Variants in DZIP1L observed in about 807,000 individuals in gnomAD.
The protein encoded by DZIP1L is cilium assembly protein DZIP1L.
A neutral mutation model predicts 88.7 loss-of-function variants in DZIP1L; 90 were observed. That is an observed-to-expected ratio of 1.02 (90% confidence interval 0.86 to 1.21). DZIP1L has a LOEUF of 1.21. Ranked by LOEUF, DZIP1L falls within the 50% of genes most tolerant of loss-of-function variation. DZIP1L has a pLI of 0.00. For synonymous variants in DZIP1L, 363 were observed against 372.1 expected (o/e 0.98, Z 0.28); for missense variants, 932 against 955.8 (o/e 0.98, Z 0.33).
intron 1 of DZIP1L, among the ~76,000 whole-genome samples, chr3:138,112,685 G>A (rs770421913): frequency 3.1e-4 from 47 of 152,234 alleles, no homozygotes; most frequent in African/African-American, 1.1e-3. Context: ...AGTGGCTCTC[G>A]CCTGTAATCC....
intron 1 of DZIP1L, among the ~76,000 whole-genome samples, chr3:138,105,947 C>T (rs533475477): frequency 3.1e-4 from 47 of 152,114 alleles, no homozygotes; most frequent in Middle Eastern, 3.4e-3. Flanking sequence ...TTATTTTTCA[C>T]TTTCTACCTC....
Position 138,067,662 on chromosome 3 carries a change from TCTCC to T in DZIP1L, c.1867_1870del (p.Gly623ThrfsTer59), listed in dbSNP as rs772670130. On this transcript the variant is annotated frameshift_variant, in exon 14 of 16. Coordinates refer to ENST00000327532, the MANE Select transcript of DZIP1L (RefSeq NM_173543.3). LOFTEE classifies it high-confidence loss of function. Reference sequence around the variant, plus strand: ...CTGTAGAGACACACGCTGCACACGGTCTCCCTCTGAGTCCTCTTCAGAACTGAAC... The same window carrying T: ...CTGTAGAGACACACGCTGCACACGGTCTCTGAGTCCTCTTCAGAACTGAAC... The T allele has an allele frequency of 6.2e-7, 1 of 1,607,384 alleles. No individual in the cohort carries two copies. Among genetic ancestry groups the T allele is most frequent in the Admixed American group, 1.7e-5 (1 of 58,986 alleles).
chr3:138,068,238 G>C lies in DZIP1L; in HGVS notation c.1745C>G (p.Ser582Cys), dbSNP rs752870031. 24 of 1,596,272 alleles carry C rather than the reference G, an allele frequency of 1.5e-5. No homozygotes were observed. The highest frequency in any genetic ancestry group is 1.9e-5 in the Non-Finnish European group (22 of 1,170,780). ...PTRQSHGSHG[S>C]SLTQVSAPAP... is the part of the protein sequence containing the mutation. ...GGGGGCGGACACCTGGGTCAGGCTG[G>C]AGCCATGGCTGCCATGGCTCTGACG... The change falls in exon 13 of 16, where the codon TCC (serine) becomes TGC (cysteine). Residue 582 changes from serine (S) to cysteine (C), a missense_variant. Physicochemically the swap from Ser to Cys is moderately radical, Grantham distance 112 (BLOSUM62 -1). Coordinates refer to ENST00000327532, the MANE Select transcript of DZIP1L (RefSeq NM_173543.3).
At chr3:138,103,422 C>T (rs755602014) in intron 2 of DZIP1L, 49 bp downstream of exon 2, 17 of 1,548,624 alleles carry the variant, frequency 1.1e-5, no homozygotes, top group Non-Finnish European at 1.4e-5. Context: ...GCCCCAGTGG[C>T]TGGGGCACAC....
chr3:138,064,491 G>A (rs762487466), intron 15 of DZIP1L, 137 bp downstream of exon 15: 1 of 1,611,580 alleles, frequency 6.2e-7, no homozygotes, highest in South Asian at 1.1e-5. Context: ...GGGGCAGAGG[G>A]AGGTCACCCA....
At chr3:138,107,305 C>T (rs2042523571) in intron 1 of DZIP1L, among the ~76,000 whole-genome samples, 1 of 152,076 alleles carries the variant, frequency 6.6e-6, no homozygotes, top group Non-Finnish European at 1.5e-5. Flanking sequence ...GGTTAGTTAT[C>T]ACAGGAGTAG....
chr3:138,083,706 G>A (rs187270494), intron 8 of DZIP1L, among the ~76,000 whole-genome samples: 7 of 152,302 alleles, frequency 4.6e-5, no homozygotes, highest in African/African-American at 1.2e-4. Context: ...ATCACTTACC[G>A]AGTGCCCCGT....
At chr3:138,065,290 G>A (rs564463412) in intron 14 of DZIP1L, among the ~76,000 whole-genome samples, 3 of 152,338 alleles carry the variant, frequency 2.0e-5, no homozygotes, top group African/African-American at 7.2e-5. Context: ...GAATGACCAG[G>A]AAGCAGGAAG....
rs566025567 is a variant in DZIP1L at position 138,064,422 on chromosome 3, G to T, written c.2142+206C>A. Reference sequence around the variant, plus strand: ...CATTGCTTATATAATGAACCAAAAGGCTTTTTAATGTTAACTTGGATACAA... The same window carrying T: ...CATTGCTTATATAATGAACCAAAAGTCTTTTTAATGTTAACTTGGATACAA... On this transcript the variant is annotated intron_variant, in intron 15 of 15. Transcript: ENST00000327532. The T allele has an allele frequency of 4.0e-4, 601 of 1,509,802 alleles. 2 individuals carry two copies. The highest frequency in any genetic ancestry group is 2.7e-4 in the Non-Finnish European group (305 of 1,134,544). The allele number at this position is 1,509,802 out of a possible 1,614,324, so 93.5% of individuals were successfully genotyped here. A position where few individuals can be genotyped will look rare whatever the true frequency, so the allele number is the denominator to read the frequency against.
chr3:138,088,862 A>G (rs966342735), intron 5 of DZIP1L: 18 of 991,876 alleles, frequency 1.8e-5, no homozygotes, highest in Non-Finnish European at 2.0e-5. Context: ...CTTAGAGCCT[A>G]TGGGAGGGTC....
intron 1 of DZIP1L, among the ~76,000 whole-genome samples, chr3:138,108,898 C>T (rs1361720805): frequency 6.6e-6 from 1 of 152,186 alleles, no homozygotes; most frequent in East Asian, 1.9e-4. Context: ...GGTCTCTGGA[C>T]CAGCAGCATC....
rs1466429616 is a variant in DZIP1L at position 138,089,589 on chromosome 3, GAAT to G, written c.871-1085_871-1083del. ...TCATTGGCCTTCCTAACATCAGGAA[GAAT>G]CATTTTTTGCATTTTGAAAATGGAC... On this transcript the variant is annotated intron_variant, in intron 5 of 15. Coordinates refer to ENST00000327532, the MANE Select transcript of DZIP1L (RefSeq NM_173543.3). Among the ~76,000 whole-genome samples the G allele has an allele frequency of 2.7e-3, 417 of 152,230 alleles. 1 individual carries two copies. Among genetic ancestry groups the G allele is most frequent in the African/African-American group, 9.7e-3 (402 of 41,528 alleles).
At chr3:138,108,239 G>C (rs1165322375) in intron 1 of DZIP1L, 1 of 985,116 alleles carries the variant, frequency 1.0e-6, no homozygotes, top group Admixed American at 6.2e-5. Context: ...CCTCAGAGAC[G>C]ACTACTCACA....
rs970655990 is a variant in DZIP1L, at chr3:138,064,756, G to T, written c.2014C>A (p.Gln672Lys). 6.3e-7 allele frequency: 1 copy of T among 1,580,430 alleles called. No homozygotes were observed. Among genetic ancestry groups the T allele is most frequent in the Non-Finnish European group, 8.6e-7 (1 of 1,166,016 alleles). The change falls in exon 15 of 16, where the codon CAG becomes AAG. Residue 672 changes from glutamine (Q) to lysine (K), a missense_variant. Gln to Lys is a moderately conservative substitution (Grantham distance 53). Transcript: ENST00000327532. ...PPGQGSGTLV[Q>K]SMVKNLEKQL... ...TTCTCCAGGTTTTTGACCATCGACT[G>T]CACCAGTGTTCCTGGAAGGTGAAAA...
chr3:138,068,941 AAGAG>A (rs1190645979), intron 12 of DZIP1L: 86 of 1,254,638 alleles, frequency 6.9e-5, no homozygotes, highest in Non-Finnish European at 8.1e-5. Flanking sequence ...ATGGGAAGAG[AAGAG>A]AGAGAGTGCA....
chr3:138,071,873 T>C, intron 11 of DZIP1L, 38 bp from the exon 12 acceptor site: 1 of 1,570,180 alleles, frequency 6.4e-7, no homozygotes, highest in Non-Finnish European at 8.6e-7. Context: ...AGAGAGAGGC[T>C]ACCCTTCTTC....
At chr3:138,066,348 G>T (rs960445208) in intron 14 of DZIP1L, among the ~76,000 whole-genome samples, 2 of 152,136 alleles carry the variant, frequency 1.3e-5, no homozygotes, top group Non-Finnish European at 2.9e-5. Flanking sequence ...TCTTGATCTG[G>T]TGCTAATGAA....
At chr3:138,090,195 AT>A (rs1944143037) in intron 5 of DZIP1L, among the ~76,000 whole-genome samples, 1 of 152,070 alleles carries the variant, frequency 6.6e-6, no homozygotes, top group African/African-American at 2.4e-5. Context: ...AAAAGATAGC[AT>A]GTTCCAGTTT....
At chr3:138,083,938 G>A (rs1156970645) in intron 8 of DZIP1L, among the ~76,000 whole-genome samples, 175 bp downstream of exon 8, 1 of 152,214 alleles carries the variant, frequency 6.6e-6, no homozygotes, top group Non-Finnish European at 1.5e-5. Flanking sequence ...CAGCCTGGAA[G>A]GAGGCAGCTA....
Sources: gnomAD v4.1 joint callset for allele counts (sites outside exome capture counted in the v4.1 genomes callset) on GRCh38, gnomAD v4.1.1 for gene constraint, MANE v1.5 for transcripts, NCBI Gene and HGNC (gene_info 2026-07-23, HGNC 2026-07-21) for gene names.